STXBP2: variants seen among roughly 807,000 people sequenced by gnomAD.
STXBP2 encodes syntaxin binding protein 2, also known as syntaxin-binding protein 2.
In STXBP2, 47 loss-of-function variants were observed where a neutral mutation model predicts 72.2. That is an observed-to-expected ratio of 0.65 (90% CI 0.51 to 0.83). The LOEUF is 0.83. Among genes scored for constraint, STXBP2 ranks in the 40% least tolerant of loss-of-function variants. The probability of loss-of-function intolerance (pLI) is 0.00; values close to 1 mark genes in which losing one functional copy is unlikely to be tolerated. For missense variants in STXBP2, 702 were observed against 807.6 expected, an observed-to-expected ratio of 0.87 and a Z score of 1.58; for synonymous variants, 367 against 338.7, an observed-to-expected ratio of 1.08 and a Z score of -0.92.
chr19:7,642,558 A>T lies in STXBP2; in HGVS notation c.902+22A>T. 6.2e-7 allele frequency: 1 copy of T among 1,609,078 alleles called. No homozygotes were observed. Among genetic ancestry groups the T allele is most frequent in the Non-Finnish European group, 8.5e-7 (1 of 1,176,856 alleles). On this transcript the variant is annotated intron_variant, in intron 10 of 18. Coordinates refer to ENST00000221283, the MANE Select transcript of STXBP2 (RefSeq NM_006949.4). The surrounding 1 kb of genome is among the most constrained non-coding windows in gnomAD (Gnocchi z 6.0). ...CCAAGTGCGTGCACACGGGGACCGG[A>T]TCCCCCCCCCACCGCCCACTGTGGG...
intron 4 of STXBP2, 47 bp from the exon 5 acceptor site, chr19:7,640,684 G>A (rs200699971): frequency 6.0e-5 from 97 of 1,613,654 alleles, no homozygotes; most frequent in Non-Finnish European, 7.9e-5. Flanking sequence ...CAGCCAATGA[G>A]CCTAGGTGTG....
the STXBP2 span, chr19:7,630,009 C>A: frequency 9.8e-7 from 1 of 1,023,922 alleles, no homozygotes; most frequent in Non-Finnish European, 1.3e-6. Context: ...GGTTGGAAAT[C>A]CAGGAGAGGG....
At position 7,639,660 on chromosome 19, in the gene STXBP2, C is replaced by T; in HGVS notation, c.170-71C>T. On this transcript the variant is annotated intron_variant, in intron 3 of 18. Transcript: ENST00000221283. ...CCTCCTCCCCAAGCCTCCAACCCCC[C>T]ACACCTGAGACTCCCCACGTGGCCC... The T allele has an allele frequency of 8.2e-6, 12 of 1,472,110 alleles. 1 individual carries two copies. The South Asian group carries it at 1.2e-4, about 14-fold the overall frequency. The allele number at this position is 1,472,110 out of a possible 1,614,324, so 91.2% of individuals were successfully genotyped here.
intron 5 of STXBP2, 43 bp downstream of exon 5, chr19:7,640,852 G>C (rs375326586): frequency 6.4e-5 from 103 of 1,613,856 alleles, no homozygotes; most frequent in Admixed American, 1.7e-5. Context: ...GGGGCAAGGA[G>C]GTGTGGGGGC....
At chr19:7,641,141 G>T (rs1337958919) in intron 6 of STXBP2, 138 bp downstream of exon 6, 1 of 888,804 alleles carries the variant, frequency 1.1e-6, no homozygotes, top group Non-Finnish European at 1.8e-6. Context: ...AGGGCAGGAG[G>T]ATCACTTGGG....
chr19:7,639,262 C>A, intron 3 of STXBP2, 162 bp downstream of exon 3: 1 of 806,170 alleles, frequency 1.2e-6, no homozygotes, highest in Non-Finnish European at 2.1e-6. Context: ...GTGACCAAAT[C>A]CATTCTTAAA....
upstream of STXBP2, chr19:7,632,974 CT>C (rs1374767640): frequency 6.2e-6 from 9 of 1,455,724 alleles, no homozygotes; most frequent in Admixed American, 2.3e-4. The surrounding 1 kb of genome is among the most constrained non-coding windows in gnomAD (Gnocchi z 5.2). Context: ...CCGATCCTCT[CT>C]GCAGAGCTGT....
At position 7,637,871 on chromosome 19, in the gene STXBP2, C is replaced by T. The variant is rs544855797; in HGVS notation, c.37+685C>T. Among the ~76,000 whole-genome samples, 3 of 152,356 alleles carry T rather than the reference C, an allele frequency of 2.0e-5. No homozygotes were observed. The East Asian group carries it at 5.8e-4, about 29-fold the overall frequency. On this transcript the variant is annotated intron_variant, in intron 1 of 18. Coordinates refer to ENST00000221283, the MANE Select transcript of STXBP2 (RefSeq NM_006949.4). The stretch of plus-strand genomic sequence containing the variant: ...CCGTTACTTCTCTCCACTCTCTCCT[C>T]TAGGCAGGGCGGTCTGTAGCTCAAA...
intron 4 of STXBP2, chr19:7,640,026 ATGTGTGTGCGTC>A: frequency 9.2e-6 from 6 of 654,808 alleles, no homozygotes; most frequent in South Asian, 3.0e-5. Flanking sequence ...GTGCATGTGC[ATGTGTGTGCGTC>A]TGTGTGTGCA....
At chr19:7,640,324 G>A (rs1489125870) in intron 4 of STXBP2, 2 of 551,218 alleles carry the variant, frequency 3.6e-6, no homozygotes, top group Non-Finnish European at 6.8e-6. Context: ...ATCTGTGTGT[G>A]CGTGTGTATG....
chr19:7,634,607 T>C (rs1437112802), upstream of STXBP2, among the ~76,000 whole-genome samples: 1 of 152,252 alleles, frequency 6.6e-6, no homozygotes, highest in East Asian at 1.9e-4. Flanking sequence ...TGGGTTCATG[T>C]GATCCTCCTG....
chr19:7,640,580 G>T, intron 4 of STXBP2, 151 bp from the exon 5 acceptor site: 1 of 929,540 alleles, frequency 1.1e-6, no homozygotes, highest in South Asian at 1.4e-5. Flanking sequence ...GTGCCCATGT[G>T]GGTGCGACAC....
At chr19:7,630,417 C>G in the STXBP2 span, 99 of 635,088 alleles carry the variant, frequency 1.6e-4, no homozygotes, top group Non-Finnish European at 2.5e-4. Context: ...TTTTAGGGTG[C>G]GAGGTTTCTG....
chr19:7,631,276 T>A, the STXBP2 span: 1 of 1,413,690 alleles, frequency 7.1e-7, no homozygotes, highest in South Asian at 1.6e-5. Flanking sequence ...GGTTTCCTTA[T>A]TGCCTTCTCC....
the STXBP2 span, chr19:7,631,200 C>T: frequency 2.2e-6 from 3 of 1,349,194 alleles, no homozygotes; most frequent in Non-Finnish European, 2.9e-6. Context: ...TAGAGTGAGA[C>T]TTTGTCTCAA....
At chr19:7,636,322 CA>C (rs1327922770), upstream of STXBP2, 1 of 152,190 alleles carries the variant, frequency 6.6e-6, no homozygotes, top group African/African-American at 2.4e-5. Context: ...CTGTGCCTTC[CA>C]AGCGACAGGA....
At chr19:7,640,212 G>A (rs1158407539) in intron 4 of STXBP2, 1 of 538,734 alleles carries the variant, frequency 1.9e-6, no homozygotes, top group Non-Finnish European at 3.5e-6. Flanking sequence ...GTGTATGTAT[G>A]TGTCTGCGTC....
chr19:7,630,439 G>C, the STXBP2 span: 2 of 690,156 alleles, frequency 2.9e-6, no homozygotes, highest in Non-Finnish European at 5.0e-6. Flanking sequence ...ACCCTTGGTG[G>C]GAGTTCTGGG....
intron 4 of STXBP2, chr19:7,640,342 G>A: frequency 3.8e-6 from 2 of 528,852 alleles, no homozygotes; most frequent in Non-Finnish European, 6.8e-6. Context: ...ATGCGTGTGT[G>A]TATGCGTCTG....
Sources: gnomAD v4.1 joint callset for allele counts (sites outside exome capture counted in the v4.1 genomes callset) on GRCh38, gnomAD v4.1.1 for gene constraint, Gnocchi (gnomAD v3.1) non-coding constraint, MANE v1.5 for transcripts, NCBI Gene and HGNC (gene_info 2026-07-23, HGNC 2026-07-21) for gene names.